Variants in AGBL4 observed in about 807,000 individuals in gnomAD.
The protein encoded by AGBL4 is cytosolic carboxypeptidase 6.
A neutral mutation model predicts 66.4 loss-of-function variants in AGBL4; 58 were observed. That is an observed-to-expected ratio of 0.87 (90% confidence interval 0.71 to 1.09). The LOEUF (loss-of-function observed/expected upper bound fraction) is 1.09. AGBL4 is among the 50% of genes least tolerant of loss of function. The pLI is 0.00. For missense variants in AGBL4, 579 were observed against 631.0 expected, an observed-to-expected ratio of 0.92 and a Z score of 0.88; for synonymous variants, 234 against 222.9, an observed-to-expected ratio of 1.05 and a Z score of -0.44.
At chr1:48,702,909 A>C (rs1249870632) in intron 6 of AGBL4, among the ~76,000 whole-genome samples, 1 of 152,194 alleles carries the variant, frequency 6.6e-6, no homozygotes, top group Non-Finnish European at 1.5e-5. Context: ...GGGCACCTTG[A>C]CTTGAATTTC....
intron 5 of AGBL4, among the ~76,000 whole-genome samples, chr1:48,882,569 A>G (rs1649895433): frequency 6.6e-6 from 1 of 152,206 alleles, no homozygotes; most frequent in Non-Finnish European, 1.5e-5. Context: ...AAAAAAAGTA[A>G]GTATGTGAGA....
intron 3 of AGBL4, among the ~76,000 whole-genome samples, chr1:49,351,772 G>A (rs754354707): frequency 3.9e-5 from 6 of 152,034 alleles, no homozygotes; most frequent in Non-Finnish European, 8.8e-5. Context: ...GTCAGTTTTT[G>A]CTACTAACTT....
At chr1:48,893,406 G>A (rs1448980847) in intron 5 of AGBL4, among the ~76,000 whole-genome samples, 1 of 152,108 alleles carries the variant, frequency 6.6e-6, no homozygotes, top group East Asian at 1.9e-4. Context: ...TCCAGGCCGG[G>A]CGTGGTGGCT....
chr1:49,739,612 C>A (rs1222786594), intron 2 of AGBL4, among the ~76,000 whole-genome samples: 1 of 152,040 alleles, frequency 6.6e-6, no homozygotes, highest in African/African-American at 2.4e-5. Context: ...GTCAGATTCA[C>A]CAAAGTTGAA....
At chr1:49,690,095 A>ATC (rs1646858535) in intron 3 of AGBL4, among the ~76,000 whole-genome samples, 1 of 152,238 alleles carries the variant, frequency 6.6e-6, no homozygotes, top group Non-Finnish European at 1.5e-5. Flanking sequence ...AGCCAAAAAG[A>ATC]TTAAGACTCA....
At chr1:48,653,013 T>C (rs1011973663) in intron 8 of AGBL4, among the ~76,000 whole-genome samples, 6 of 152,132 alleles carry the variant, frequency 3.9e-5, no homozygotes, top group Non-Finnish European at 7.4e-5. Context: ...ATTGTCTCCA[T>C]TATGCAAGAG....
chr1:49,826,860 G>T (rs566833409), intron 2 of AGBL4, among the ~76,000 whole-genome samples: 1 of 152,214 alleles, frequency 6.6e-6, no homozygotes, highest in African/African-American at 2.4e-5. Flanking sequence ...TTCCACAAAA[G>T]AAATATTAGT....
At chr1:48,918,470 G>T (rs1381403722) in intron 5 of AGBL4, among the ~76,000 whole-genome samples, 2 of 152,162 alleles carry the variant, frequency 1.3e-5, no homozygotes, top group African/African-American at 4.8e-5. Flanking sequence ...GTGTTCCTCC[G>T]AAATTTATGT....
At chr1:49,711,045 T>C (rs187754226) in intron 2 of AGBL4, among the ~76,000 whole-genome samples, 56 of 152,028 alleles carry the variant, frequency 3.7e-4, no homozygotes, top group Admixed American at 2.6e-3. Flanking sequence ...TGCACACCCA[T>C]AGAATAGCTA....
chr1:48,845,617 A>G (rs1003560274), intron 6 of AGBL4, among the ~76,000 whole-genome samples: 7 of 152,240 alleles, frequency 4.6e-5, no homozygotes, highest in African/African-American at 1.7e-4. Flanking sequence ...GAGCTGAAGC[A>G]TAGCTAACTT....
intron 4 of AGBL4, among the ~76,000 whole-genome samples, chr1:49,160,608 C>G (rs892711044): frequency 6.6e-6 from 1 of 152,162 alleles, no homozygotes; most frequent in Non-Finnish European, 1.5e-5. Context: ...CTCTTTAGAG[C>G]CATCAGGCAG....
intron 3 of AGBL4, among the ~76,000 whole-genome samples, chr1:49,619,281 C>G (rs1208832520): frequency 6.6e-6 from 1 of 152,136 alleles, no homozygotes; most frequent in African/African-American, 2.4e-5. Flanking sequence ...TCTCAGGATA[C>G]AAAACCAATG....
intron 3 of AGBL4, among the ~76,000 whole-genome samples, chr1:49,631,881 C>G (rs1232532244): frequency 6.6e-6 from 1 of 152,162 alleles, no homozygotes; most frequent in Non-Finnish European, 1.5e-5. Flanking sequence ...CAAGCAGACT[C>G]CTAGTACTCC....
intron 4 of AGBL4, among the ~76,000 whole-genome samples, chr1:49,102,911 C>T (rs890772691): frequency 1.3e-5 from 2 of 152,150 alleles, no homozygotes; most frequent in African/African-American, 2.4e-5. Flanking sequence ...TGCTGAAGGA[C>T]AAAGAGAGAT....
At chr1:48,663,097 C>T (rs1646133176) in intron 7 of AGBL4, 55 bp downstream of exon 7, 7 of 1,528,500 alleles carry the variant, frequency 4.6e-6, no homozygotes, top group Non-Finnish European at 6.3e-6. Context: ...CAGAGATCAT[C>T]ACAGTGTCCC....
chr1:49,303,904 CA>C (rs1644801825), intron 3 of AGBL4, among the ~76,000 whole-genome samples: 1 of 152,102 alleles, frequency 6.6e-6, no homozygotes, highest in Non-Finnish European at 1.5e-5. Flanking sequence ...TGATAGATTG[CA>C]AAAATTTTCT....
chr1:49,538,724 G>A (rs1558032476), intron 3 of AGBL4, among the ~76,000 whole-genome samples: 1 of 152,072 alleles, frequency 6.6e-6, no homozygotes, highest in Non-Finnish European at 1.5e-5. Context: ...TTTAAAAATG[G>A]AAAAAATTTG....
intron 2 of AGBL4, among the ~76,000 whole-genome samples, chr1:49,748,173 CCT>C (rs770500072): frequency 1.9e-3 from 295 of 152,160 alleles, no homozygotes; most frequent in Non-Finnish European, 3.4e-3. Context: ...CGCCCCACCC[CCT>C]GACAGGCTCC....
At chr1:49,124,701 T>C (rs1645730513) in intron 4 of AGBL4, among the ~76,000 whole-genome samples, 2 of 152,190 alleles carry the variant, frequency 1.3e-5, no homozygotes, top group Non-Finnish European at 2.9e-5. Context: ...TAAGATTAAC[T>C]GTAGATAAAG....
Sources: gnomAD v4.1 joint callset for allele counts (sites outside exome capture counted in the v4.1 genomes callset) on GRCh38, gnomAD v4.1.1 for gene constraint, MANE v1.5 for transcripts, NCBI Gene and HGNC (gene_info 2026-07-23, HGNC 2026-07-21) for gene names.